BLVRA: variants seen among roughly 807,000 people sequenced by gnomAD.
BLVRA encodes the protein biliverdin reductase A.
In BLVRA, 22 loss-of-function variants were observed where a neutral mutation model predicts 32.8. The observed-to-expected ratio is 0.67, with a 90% CI of 0.48 to 0.96. BLVRA has a LOEUF of 0.96. Ranked by LOEUF, BLVRA falls within the 40% of genes least tolerant of loss-of-function variation. BLVRA has a pLI of 0.00. For missense variants in BLVRA, 323 were observed against 358.1 expected (o/e 0.90, Z 0.79); for synonymous variants, 119 against 141.3 (o/e 0.84, Z 1.12).
chr7:43,807,293 G>T lies in BLVRA; in HGVS notation c.*58G>T. 1 of 1,593,594 alleles carries T rather than the reference G, an allele frequency of 6.3e-7. No individual in the cohort carries two copies. The highest frequency in any genetic ancestry group is 8.5e-7 in the Non-Finnish European group (1 of 1,174,628). ...CACCAGCATTTGGTTCTTCTCAAGAGTTGACCATTATCTCTATTCTTAAAA... is the reference window on the plus strand; with the variant it reads ...CACCAGCATTTGGTTCTTCTCAAGATTTGACCATTATCTCTATTCTTAAAA... On this transcript the variant is annotated 3_prime_UTR_variant, in exon 8 of 8. Coordinates refer to ENST00000265523, the MANE Select transcript of BLVRA (RefSeq NM_000712.4).
chr7:43,767,321 C>T (rs2095749315), intron 1 of BLVRA: 4 of 1,454,336 alleles, frequency 2.8e-6, no homozygotes, highest in Non-Finnish European at 3.8e-6. Context: ...GCGCTGAACG[C>T]ACTGCAGCCT....
intron 2 of BLVRA, among the ~76,000 whole-genome samples, chr7:43,785,053 T>C (rs2095775420): frequency 6.6e-6 from 1 of 152,198 alleles, no homozygotes; most frequent in African/African-American, 2.4e-5. Context: ...ACTAATGAAA[T>C]CTTAAAAAGC....
intron 1 of BLVRA, chr7:43,760,040 G>C (rs1196006400): frequency 6.9e-6 from 1 of 144,614 alleles, no homozygotes; most frequent in Non-Finnish European, 1.5e-5. Flanking sequence ...CACCAGGCTG[G>C]AGTACAGTGG....
rs555819537 is a variant in BLVRA at position 43,773,679 on chromosome 7, G to A, written c.12+2509G>A. ...AGTAATGGGATGGCTGGGTCAAATGGTATTTCCAGTTCTAGATCCCTGAGG... is the reference window on the plus strand; with the variant it reads ...AGTAATGGGATGGCTGGGTCAAATGATATTTCCAGTTCTAGATCCCTGAGG... On this transcript the variant is annotated intron_variant, in intron 2 of 7. Coordinates refer to ENST00000265523, the MANE Select transcript of BLVRA (RefSeq NM_000712.4). 6.8e-3 allele frequency among the ~76,000 whole-genome samples: 1,033 copies of A among 152,314 alleles called. 18 individuals carry two copies. Among genetic ancestry groups the A allele is most frequent in the Non-Finnish European group, 5.8e-3 (396 of 68,022 alleles).
chr7:43,761,830 A>G (rs1360933132), intron 1 of BLVRA, among the ~76,000 whole-genome samples: 2 of 152,218 alleles, frequency 1.3e-5, no homozygotes, highest in African/African-American at 4.8e-5. Flanking sequence ...CAGAGAAGCA[A>G]AAAGAAAGTA....
At chr7:43,767,853 A>AG (rs1042644395) in intron 1 of BLVRA, among the ~76,000 whole-genome samples, 1 of 152,058 alleles carries the variant, frequency 6.6e-6, no homozygotes, top group Non-Finnish European at 1.5e-5. Context: ...TACAAAAAAA[A>AG]AAGAAAGGGA....
intron 1 of BLVRA, chr7:43,767,526 T>A: frequency 8.7e-7 from 1 of 1,148,824 alleles, no homozygotes. Context: ...ACCGGCCATG[T>A]GGTGCTGGCC....
In BLVRA at chr7:43,803,821, A is replaced by G. The variant is rs776565902; in HGVS notation, c.606A>G (p.Thr202=). 1.9e-6 allele frequency: 3 copies of G among 1,614,008 alleles called. No individual in the cohort carries two copies. Among genetic ancestry groups the G allele is most frequent in the African/African-American group, 1.3e-5 (1 of 74,926 alleles). Residue 202 remains threonine (T), a synonymous_variant, in exon 7 of 8, where the codon ACA becomes ACG. Coordinates refer to ENST00000265523, the MANE Select transcript of BLVRA (RefSeq NM_000712.4). ...ERKEDQYMKM[T]VCLETEKKSP... ...AGGAAGATCAGTATATGAAAATGAC[A>G]GTGTGTCTGGAGACAGAGAAGAAAA...
chr7:43,799,070 C>A (rs918187713), intron 5 of BLVRA, among the ~76,000 whole-genome samples: 1 of 152,158 alleles, frequency 6.6e-6, no homozygotes, highest in Non-Finnish European at 1.5e-5. Context: ...GTTGCAAAGC[C>A]ATTTTGTGCC....
chr7:43,796,480 G>C (rs1192845324), intron 5 of BLVRA, among the ~76,000 whole-genome samples: 8 of 152,042 alleles, frequency 5.3e-5, no homozygotes. Context: ...TTCAAAAAGT[G>C]GTCCCAGGAA....
upstream of BLVRA, among the ~76,000 whole-genome samples, chr7:43,758,401 C>T (rs2132536200): frequency 9.0e-6 from 1 of 110,884 alleles, no homozygotes; most frequent in East Asian, 2.0e-4. Flanking sequence ...CAGCCACTTC[C>T]ATACGCCCTC....
At chr7:43,779,030 T>C (rs565035663) in intron 2 of BLVRA, among the ~76,000 whole-genome samples, 26 of 152,236 alleles carry the variant, frequency 1.7e-4, no homozygotes, top group African/African-American at 6.3e-4. Flanking sequence ...AGGGTGGGAG[T>C]GACCCAATTT....
At chr7:43,791,660 T>C in intron 4 of BLVRA, 1 of 354,562 alleles carries the variant, frequency 2.8e-6, no homozygotes, top group Non-Finnish European at 5.4e-6. Flanking sequence ...TCGAGAGTAG[T>C]TTTCAACAGT....
At chr7:43,780,246 C>A (rs2095767363) in intron 2 of BLVRA, among the ~76,000 whole-genome samples, 1 of 152,132 alleles carries the variant, frequency 6.6e-6, no homozygotes, top group Non-Finnish European at 1.5e-5. Flanking sequence ...TTTCACCTGC[C>A]CCAAATCTGC....
chr7:43,800,475 G>T lies in BLVRA; in HGVS notation c.363G>T (p.Leu121Phe), dbSNP rs139950774. 11 of 1,613,932 alleles carry T rather than the reference G, an allele frequency of 6.8e-6. No homozygotes were observed. Among genetic ancestry groups the T allele is most frequent in the Non-Finnish European group, 9.3e-6 (11 of 1,179,928 alleles). Residue 121 changes from leucine (L) to phenylalanine (F), a missense_variant, in exon 6 of 8, where the codon TTG (leucine) becomes TTT (phenylalanine). Physicochemically the swap from Leu to Phe is conservative, Grantham distance 22. Transcript: ENST00000265523. ...TTTTTGTCGTTACAGGAAAAGTCTTGCACGAGGAGCATGTTGAACTCTTGA... is the reference window on the plus strand; with the variant it reads ...TTTTTGTCGTTACAGGAAAAGTCTTTCACGAGGAGCATGTTGAACTCTTGA... Reference protein sequence around the residue: ...WELAEQKGKVLHEEHVELLME... With the variant: ...WELAEQKGKVFHEEHVELLME...
chr7:43,759,874 G>GT (rs2095740281), intron 1 of BLVRA: 1 of 151,854 alleles, frequency 6.6e-6, no homozygotes, highest in East Asian at 1.9e-4. Flanking sequence ...GTTAGACAAA[G>GT]TATCAGAAGG....
intron 2 of BLVRA, among the ~76,000 whole-genome samples, chr7:43,778,322 G>C (rs2095763948): frequency 6.6e-6 from 1 of 152,174 alleles, no homozygotes; most frequent in South Asian, 2.1e-4. Flanking sequence ...TGGGTTTTTG[G>C]TGTGGATGTC....
chr7:43,806,515 G>T (rs2095804179), intron 7 of BLVRA, among the ~76,000 whole-genome samples: 2 of 152,192 alleles, frequency 1.3e-5, no homozygotes, highest in Middle Eastern at 3.2e-3. Flanking sequence ...GCCAAGGCAG[G>T]TGGGTCTCTT....
rs17245876 is a variant in BLVRA at position 43,779,804 on chromosome 7, A to G, written c.13-8100A>G. Among the ~76,000 whole-genome samples the G allele has an allele frequency of 3.4e-3, 513 of 152,238 alleles. 1 individual carries two copies. The highest frequency in any genetic ancestry group is 5.7e-3 in the Non-Finnish European group (387 of 68,022). On this transcript the variant is annotated intron_variant, in intron 2 of 7. Coordinates refer to ENST00000265523, the MANE Select transcript of BLVRA (RefSeq NM_000712.4). ...GTCCTTTTTGATGGCTTTTCCTCTT[A>G]ACCTTGTAAGAACATGCTAGACTTG...
Sources: allele counts gnomAD v4.1 joint callset (sites outside exome capture counted in the v4.1 genomes callset), GRCh38; gene constraint gnomAD v4.1.1; transcripts MANE v1.5; gene names NCBI Gene and HGNC (gene_info 2026-07-23, HGNC 2026-07-21).